The following RFLNA variants were observed in gnomAD, a reference collection of about 807,000 sequenced individuals.
RFLNA encodes the protein refilin A.
RFLNA carries 5 observed loss-of-function variants against 7.8 expected under a neutral mutation model. The ratio of observed to expected loss-of-function variants is 0.64; its 90% CI spans 0.34 to 1.35. The LOEUF (loss-of-function observed/expected upper bound fraction) is 1.35. RFLNA is among the 40% of genes most tolerant of loss of function. The pLI is 0.04. For synonymous variants in RFLNA, 141 were observed against 131.3 expected, an observed-to-expected ratio of 1.07 and a Z score of -0.50; for missense variants, 278 against 305.5, an observed-to-expected ratio of 0.91 and a Z score of 0.67.
intron 2 of RFLNA, among the ~76,000 whole-genome samples, chr12:124,312,871 T>C (rs574040920): frequency 6.6e-6 from 1 of 152,234 alleles, no homozygotes; most frequent in Admixed American, 6.5e-5. Context: ...CCACATCGAT[T>C]TGCCCTCCTC....
At chr12:124,312,060 C>T (rs1203793785) in intron 2 of RFLNA, 133 bp downstream of exon 2, 17 of 1,104,862 alleles carry the variant, frequency 1.5e-5, no homozygotes, top group Middle Eastern at 3.1e-4. Flanking sequence ...TCCAGGCAGC[C>T]CCTCTGGGTG....
In RFLNA at chr12:124,304,316, C is replaced by G. The variant is rs567038542; in HGVS notation, c.208-7502C>G. ...CCGCCCAGGCCCACGGGACGCCAGC[C>G]TATATCGGTCTGGGCTTTCACGGCT... is the stretch of plus-strand genomic sequence containing the variant. On this transcript the variant is annotated intron_variant, in intron 1 of 2. Coordinates refer to ENST00000546355, the MANE Select transcript of RFLNA (RefSeq NM_001365156.1). Among the ~76,000 whole-genome samples the G allele has an allele frequency of 5.9e-5, 9 of 152,354 alleles. No individual in the cohort carries two copies. In the South Asian group the frequency reaches 1.9e-3, roughly 32 times the overall value.
Position 124,289,846 on chromosome 12 carries a change from C to A in RFLNA, c.-37+476C>A, listed in dbSNP as rs569024283. ...CATGCGACTCCCCGGGGCAGGGAGGCATCCCTGGGCCAGGCACTAGGACCT... is the reference window on the plus strand; with the variant it reads ...CATGCGACTCCCCGGGGCAGGGAGGAATCCCTGGGCCAGGCACTAGGACCT... On this transcript the variant is annotated intron_variant, in intron 1 of 2. Transcript: ENST00000324038. This position sits in a 1 kb window ranked among gnomAD's most constrained non-coding sequence, Gnocchi z 5.0. Among the ~76,000 whole-genome samples, 116 of 152,326 alleles carry A rather than the reference C, an allele frequency of 7.6e-4. No homozygotes were observed. Among genetic ancestry groups the A allele is most frequent in the Non-Finnish European group, 1.4e-3 (93 of 68,028 alleles).
At chr12:124,301,190 G>C (rs1019326731) in intron 1 of RFLNA, among the ~76,000 whole-genome samples, 1 of 152,088 alleles carries the variant, frequency 6.6e-6, no homozygotes, top group Non-Finnish European at 1.5e-5. Context: ...AGGAGGGAAA[G>C]CCAGAAGCCC....
At chr12:124,305,791 C>T (rs181236418) in intron 1 of RFLNA, among the ~76,000 whole-genome samples, 122 of 152,340 alleles carry the variant, frequency 8.0e-4, no homozygotes, top group African/African-American at 2.8e-3. Flanking sequence ...CAGATATTCC[C>T]AGGTCCTGGG....
At chr12:124,314,147 G>C in intron 2 of RFLNA, 45 bp from the exon 3 acceptor site, 1 of 1,576,076 alleles carries the variant, frequency 6.3e-7, no homozygotes, top group Non-Finnish European at 8.6e-7. Context: ...GAATCGGGCT[G>C]CCCCCAATCC....
Position 124,314,184 on chromosome 12 carries a change from C to T in RFLNA, c.318-8C>T, listed in dbSNP as rs775500450. On this transcript the variant is annotated splice_region_variant and splice_polypyrimidine_tract_variant and intron_variant, in intron 2 of 2. Transcript: ENST00000546355. ...GGGTTCACTCCGCTTCCCTCCTGCC[C>T]TTTCCAGCTGCAACTCTGAGGTCAA... 19 of 1,607,682 alleles carry T rather than the reference C, an allele frequency of 1.2e-5. No individual in the cohort carries two copies. Among genetic ancestry groups the T allele is most frequent in the Non-Finnish European group, 1.4e-5 (16 of 1,175,936 alleles).
At chr12:124,313,297 G>A (rs1346872399) in intron 2 of RFLNA, among the ~76,000 whole-genome samples, 1 of 152,194 alleles carries the variant, frequency 6.6e-6, no homozygotes, top group African/African-American at 2.4e-5. Flanking sequence ...AGCTCTGGAC[G>A]TGGAACTGGG....
At chr12:124,298,391 T>C (rs2033968551) in intron 1 of RFLNA, among the ~76,000 whole-genome samples, 1 of 151,896 alleles carries the variant, frequency 6.6e-6, no homozygotes, top group Non-Finnish European at 1.5e-5. Flanking sequence ...GTAAGATCAC[T>C]CCCCAAGACA....
At chr12:124,291,966 C>T (rs555555722), upstream of RFLNA, among the ~76,000 whole-genome samples, 5 of 152,278 alleles carry the variant, frequency 3.3e-5, no homozygotes, top group African/African-American at 4.8e-5. Flanking sequence ...TATGCATACA[C>T]CCTTCTCCCC....
chr12:124,291,472 G>A (rs981949757), upstream of RFLNA, among the ~76,000 whole-genome samples: 1 of 152,134 alleles, frequency 6.6e-6, no homozygotes, highest in Non-Finnish European at 1.5e-5. Flanking sequence ...GGTCAGGCTG[G>A]TCTCAAACTC....
chr12:124,292,793 C>T (rs765395879), upstream of RFLNA, among the ~76,000 whole-genome samples: 41 of 152,250 alleles, frequency 2.7e-4, no homozygotes, highest in Middle Eastern at 6.8e-3. Flanking sequence ...CACAAGGGGG[C>T]CAGGATTAGT....
At chr12:124,313,318 C>T (rs891887724) in intron 2 of RFLNA, among the ~76,000 whole-genome samples, 7 of 152,140 alleles carry the variant, frequency 4.6e-5, no homozygotes, top group Admixed American at 1.3e-4. Context: ...GGATACTAGT[C>T]GGTCACTCCT....
intron 1 of RFLNA, among the ~76,000 whole-genome samples, chr12:124,297,833 C>T (rs1201978419): frequency 2.1e-5 from 3 of 144,280 alleles, no homozygotes; most frequent in Admixed American, 6.8e-5. Context: ...ACCCACCCAT[C>T]GCCCACCCCA....
At position 124,306,434 on chromosome 12, in the gene RFLNA, C is replaced by G. The variant is rs1026792064; in HGVS notation, c.208-5384C>G. Among the ~76,000 whole-genome samples, 3 of 152,026 alleles carry G rather than the reference C, an allele frequency of 2.0e-5. No individual in the cohort carries two copies. Among genetic ancestry groups the G allele is most frequent in the African/African-American group, 7.2e-5 (3 of 41,392 alleles). The stretch of plus-strand genomic sequence containing the variant: ...GACAAGGGGCCGAGACAGGAACAGG[C>G]AGAGGCCCGAGTGGGAATCCTTGAG... On this transcript the variant is annotated intron_variant, in intron 1 of 2. Transcript: ENST00000546355. This position sits in a 1 kb window ranked among gnomAD's most constrained non-coding sequence, Gnocchi z 5.2.
upstream of RFLNA, among the ~76,000 whole-genome samples, chr12:124,293,549 G>A (rs2033855533): frequency 6.6e-6 from 1 of 152,208 alleles, no homozygotes; most frequent in African/African-American, 2.4e-5. Context: ...GCTGAAGAGG[G>A]CCTGGCTTGC....
intron 2 of RFLNA, 52 bp from the exon 3 acceptor site, chr12:124,314,139 AT>A: frequency 6.4e-7 from 1 of 1,563,066 alleles, no homozygotes; most frequent in South Asian, 1.2e-5. Context: ...AGGGCAGGGA[AT>A]CGGGCTGCCC....
chr12:124,290,866 C>A (rs986673112), upstream of RFLNA, among the ~76,000 whole-genome samples: 1 of 152,170 alleles, frequency 6.6e-6, no homozygotes, highest in African/African-American at 2.4e-5. This position sits in a 1 kb window ranked among gnomAD's most constrained non-coding sequence, Gnocchi z 4.0. Context: ...AAAGGGCAGG[C>A]CAATTGCCCA....
rs71088996 is a variant in RFLNA, at chr12:124,310,172, CAAAAAAA to C, written c.208-1628_208-1622del. ...TGGGTGACAGAGAGAGACTCTGTCTCAAAAAAAAAAAAAAAAAAAAAAAAGCCTTTAG... is the reference window on the plus strand; with the variant it reads ...TGGGTGACAGAGAGAGACTCTGTCTCAAAAAAAAAAAAAAAAAGCCTTTAG... On this transcript the variant is annotated intron_variant, in intron 1 of 2. Coordinates refer to ENST00000546355, the MANE Select transcript of RFLNA (RefSeq NM_001365156.1). 2.6e-3 allele frequency among the ~76,000 whole-genome samples: 44 copies of C among 17,088 alleles called. 2 individuals are homozygous for C. The East Asian group carries it at 0.08, about 31-fold the overall frequency. The allele number at this position is 17,088 out of a possible 152,430, so 11.2% of individuals were successfully genotyped here. A position where few individuals can be genotyped will look rare whatever the true frequency, so the allele number is the denominator to read the frequency against.
Sources: gnomAD v4.1 joint callset for allele counts (sites outside exome capture counted in the v4.1 genomes callset) on GRCh38, gnomAD v4.1.1 for gene constraint, Gnocchi (gnomAD v3.1) non-coding constraint, MANE v1.5 for transcripts, NCBI Gene and HGNC (gene_info 2026-07-23, HGNC 2026-07-21) for gene names.